Variants in GUCY2F observed in about 807,000 individuals in gnomAD.
GUCY2F encodes guanylate cyclase 2F, retinal, also known as retinal guanylyl cyclase 2.
Under a neutral mutation model 73.1 loss-of-function variants are expected in GUCY2F, and 61 were observed. The ratio of observed to expected loss-of-function variants is 0.83; its 90% confidence interval spans 0.68 to 1.03. GUCY2F has a LOEUF of 1.03. Among genes scored for constraint, GUCY2F ranks in the 50% least tolerant of loss-of-function variants. The pLI is 0.00. For missense variants in GUCY2F, 912 were observed against 854.3 expected (o/e 1.07, Z -0.84); for synonymous variants, 331 against 307.8 (o/e 1.08, Z -0.79).
chrX:109,428,371 T>C (rs765523900), intron 8 of GUCY2F, among the ~76,000 whole-genome samples: 1 of 112,124 alleles, frequency 8.9e-6, no homozygotes, highest in Non-Finnish European at 1.9e-5. Flanking sequence ...ACATAACTTC[T>C]GTAGTATTCC....
At chrX:109,374,262 C>T (rs944075279) in intron 19 of GUCY2F, among the ~76,000 whole-genome samples, 1 of 111,700 alleles carries the variant, frequency 9.0e-6, no homozygotes, top group Non-Finnish European at 1.9e-5. Flanking sequence ...GCCACCAAGG[C>T]CATGTGGTCA....
intron 10 of GUCY2F, among the ~76,000 whole-genome samples, chrX:109,403,936 A>G (rs192873002): frequency 1.8e-5 from 2 of 112,217 alleles, no homozygotes; most frequent in African/African-American, 6.5e-5. Context: ...CTGTGCTGGT[A>G]TGCTCTAGTG....
intron 6 of GUCY2F, among the ~76,000 whole-genome samples, chrX:109,447,440 C>T (rs1423375705): frequency 9.0e-6 from 1 of 110,635 alleles, no homozygotes; most frequent in African/African-American, 3.3e-5. Context: ...GAATACTATG[C>T]AGCCATAAAA....
intron 15 of GUCY2F, among the ~76,000 whole-genome samples, chrX:109,386,927 A>T (rs1474119644): frequency 8.9e-6 from 1 of 111,990 alleles, no homozygotes; most frequent in African/African-American, 3.2e-5. Flanking sequence ...TGAAGCACAA[A>T]TGACAGATGA....
intron 8 of GUCY2F, among the ~76,000 whole-genome samples, chrX:109,414,429 A>G (rs911974687): frequency 8.9e-6 from 1 of 112,327 alleles, no homozygotes; most frequent in African/African-American, 3.2e-5. Context: ...GTCAATGGTC[A>G]TATAGAACAC....
In GUCY2F at chrX:109,411,677, A is replaced by T. The variant is rs150955526; in HGVS notation, c.1792-2509T>A. Among the ~76,000 whole-genome samples the T allele has an allele frequency of 6.6e-3, 741 of 111,873 alleles. 4 individuals carry two copies. The highest frequency in any genetic ancestry group is 0.023 in the African/African-American group (696 of 30,762). On this transcript the variant is annotated intron_variant, in intron 8 of 19. Coordinates refer to ENST00000218006, the MANE Select transcript of GUCY2F (RefSeq NM_001522.3). Reference sequence around the variant, plus strand: ...GACGTATTGAGAATGAGGTACCTACAGAACATCAAGGGGGAACTATTTTAA... The same window carrying T: ...GACGTATTGAGAATGAGGTACCTACTGAACATCAAGGGGGAACTATTTTAA...
intron 8 of GUCY2F, among the ~76,000 whole-genome samples, chrX:109,416,078 G>A (rs1321421353): frequency 9.0e-6 from 1 of 110,786 alleles, no homozygotes; most frequent in Non-Finnish European, 1.9e-5. Context: ...CAAAAAAATA[G>A]TTCTTTAGAG....
chrX:109,477,562 T>A (rs1380730719), intron 1 of GUCY2F, among the ~76,000 whole-genome samples: 1 of 112,365 alleles, frequency 8.9e-6, no homozygotes, highest in African/African-American at 3.2e-5. Flanking sequence ...AACATGCCTT[T>A]TGTGGAGTAA....
intron 2 of GUCY2F, 101 bp from the exon 3 acceptor site, chrX:109,465,544 T>C (rs976127985): frequency 3.9e-5 from 24 of 609,044 alleles, no homozygotes; most frequent in Non-Finnish European, 5.8e-5. Context: ...AACCAATTTG[T>C]AAGTGGTTTC....
intron 8 of GUCY2F, 82 bp downstream of exon 8, chrX:109,430,224 CT>C: frequency 1.7e-6 from 1 of 594,802 alleles, no homozygotes; most frequent in Non-Finnish European, 2.8e-6. Flanking sequence ...GTTAAGGGGT[CT>C]TCCTAAACAG....
chrX:109,428,268 C>T (rs926964663), intron 8 of GUCY2F, among the ~76,000 whole-genome samples: 2 of 111,929 alleles, frequency 1.8e-5, no homozygotes, highest in African/African-American at 6.5e-5. Context: ...GCAGACACCA[C>T]CTAAATTAAG....
In GUCY2F at chrX:109,451,702, C is replaced by A. The variant is rs191888244; in HGVS notation, c.1472+321G>T. 6.3e-5 allele frequency among the ~76,000 whole-genome samples: 7 copies of A among 111,687 alleles called. No individual in the cohort carries two copies. In the East Asian group the frequency reaches 2.0e-3, roughly 31 times the overall value. Reference sequence around the variant, plus strand: ...TGGGCAAGGAGATGGTTATAGGAGACTCTGCTAGGAGAAAGGAGAACAACG... The same window carrying A: ...TGGGCAAGGAGATGGTTATAGGAGAATCTGCTAGGAGAAAGGAGAACAACG... On this transcript the variant is annotated intron_variant, in intron 5 of 19. Coordinates refer to ENST00000218006, the MANE Select transcript of GUCY2F (RefSeq NM_001522.3).
rs751034300 is a variant in GUCY2F at position 109,382,215 on chromosome X, G to T, written c.3056-3C>A. Reference sequence around the variant, plus strand: ...GAGACTGACATGAATGCGATAAGCTGCAAAAGAAGGAGAGACATGATTTGG... The same window carrying T: ...GAGACTGACATGAATGCGATAAGCTTCAAAAGAAGGAGAGACATGATTTGG... On this transcript the variant is annotated splice_region_variant and splice_polypyrimidine_tract_variant and intron_variant, in intron 16 of 19. Coordinates refer to ENST00000218006, the MANE Select transcript of GUCY2F (RefSeq NM_001522.3). 1.3e-5 allele frequency: 14 copies of T among 1,100,351 alleles called. No homozygotes were observed. The highest frequency in any genetic ancestry group is 1.8e-5 in the Non-Finnish European group (14 of 797,483). The allele number at this position is 1,100,351 out of a possible 1,213,427, so 90.7% of individuals were successfully genotyped here.
intron 8 of GUCY2F, among the ~76,000 whole-genome samples, chrX:109,415,063 TACAGCTTTTA>T (rs1435346876): frequency 9.0e-6 from 1 of 110,657 alleles, no homozygotes; most frequent in African/African-American, 3.3e-5. Context: ...TTCCTGATGC[TACAGCTTTTA>T]ACAGCTAGAA....
chrX:109,456,087 A>C (rs763520967), intron 3 of GUCY2F, among the ~76,000 whole-genome samples: 85 of 112,360 alleles, frequency 7.6e-4, no homozygotes, highest in African/African-American at 2.6e-3. Context: ...ACCCTGTCTC[A>C]AGATGTACTC....
chrX:109,408,028 C>T (rs192912530), intron 9 of GUCY2F, among the ~76,000 whole-genome samples: 43 of 111,801 alleles, frequency 3.8e-4, no homozygotes, highest in East Asian at 1.1e-3. Context: ...CCAGATCCAC[C>T]GACAGCTTGC....
chrX:109,475,464 T>C lies in GUCY2F; in HGVS notation c.473A>G (p.Asn158Ser), dbSNP rs1234505448. 1.7e-6 allele frequency: 2 copies of C among 1,209,499 alleles called. No homozygotes were observed. ...SWACVNYELD[N>S]KISYPTFSRT... ...AGAAAAGGTCGGGTAGCTAATTTTA[T>C]TGTCTAATTCATAATTCACACAAGC... Residue 158 changes from asparagine to serine, a missense_variant, in exon 2 of 20, where the codon AAT becomes AGT. Coordinates refer to ENST00000218006, the MANE Select transcript of GUCY2F (RefSeq NM_001522.3).
intron 10 of GUCY2F, among the ~76,000 whole-genome samples, chrX:109,401,730 A>G (rs1018404823): frequency 5.4e-5 from 6 of 110,805 alleles, no homozygotes; most frequent in Non-Finnish European, 1.1e-4. Context: ...AAAGAGGGCA[A>G]CCTAGCCCAG....
At chrX:109,405,129 T>C (rs943814405) in intron 9 of GUCY2F, among the ~76,000 whole-genome samples, 6 of 112,071 alleles carry the variant, frequency 5.4e-5, no homozygotes, top group African/African-American at 1.6e-4. Context: ...GTAGCTGACA[T>C]AGAAACAACT....
Sources: allele counts gnomAD v4.1 joint callset (sites outside exome capture counted in the v4.1 genomes callset), GRCh38; gene constraint gnomAD v4.1.1; transcripts MANE v1.5; gene names NCBI Gene and HGNC (gene_info 2026-07-23, HGNC 2026-07-21).